The following ARHGAP32 variants were observed in gnomAD, a reference collection of about 807,000 sequenced individuals.
ARHGAP32 encodes Rho GTPase activating protein 32.
ARHGAP32 carries 51 observed loss-of-function variants against 186.5 expected under a neutral mutation model. The ratio of observed to expected loss-of-function variants is 0.27; its 90% CI spans 0.22 to 0.35. The LOEUF (loss-of-function observed/expected upper bound fraction) is 0.35, where lower values mean the gene tolerates loss of function less well. ARHGAP32 is among the 10% of genes least tolerant of loss of function. ARHGAP32 has a pLI of 1.00. For synonymous variants in ARHGAP32, 950 were observed against 964.3 expected, an observed-to-expected ratio of 0.99 and a Z score of 0.27; for missense variants, 2,186 against 2,623.5, an observed-to-expected ratio of 0.83 and a Z score of 3.64.
intron 1 of ARHGAP32, among the ~76,000 whole-genome samples, chr11:129,224,920 T>C (rs553084766): frequency 6.6e-6 from 1 of 152,186 alleles, no homozygotes; most frequent in Admixed American, 6.6e-5. Flanking sequence ...GAGACCAGCC[T>C]GGACAACATA....
chr11:129,269,379 G>A (rs1001811870), intron 1 of ARHGAP32, among the ~76,000 whole-genome samples: 1 of 152,122 alleles, frequency 6.6e-6, no homozygotes, highest in Non-Finnish European at 1.5e-5. Flanking sequence ...TACATATACA[G>A]GTAATCATGA....
intron 2 of ARHGAP32, among the ~76,000 whole-genome samples, chr11:129,150,429 C>CTT (rs1227633906): frequency 6.6e-6 from 1 of 152,082 alleles, no homozygotes; most frequent in African/African-American, 2.4e-5. Context: ...CCACTCAGAA[C>CTT]TTAAGACGAA....
chr11:129,173,674 T>A (rs1408963253), intron 1 of ARHGAP32, among the ~76,000 whole-genome samples: 1 of 152,174 alleles, frequency 6.6e-6, no homozygotes, highest in Admixed American at 6.5e-5. Flanking sequence ...CATATGCAAA[T>A]CAATAAATGT....
chr11:129,173,167 G>A (rs1383394275), intron 1 of ARHGAP32, among the ~76,000 whole-genome samples: 2 of 151,870 alleles, frequency 1.3e-5, no homozygotes, highest in Non-Finnish European at 1.5e-5. Flanking sequence ...TACCATCAGA[G>A]AATACTATAA....
At chr11:129,012,310 T>A (rs1296166996) in intron 11 of ARHGAP32, among the ~76,000 whole-genome samples, 1 of 152,024 alleles carries the variant, frequency 6.6e-6, no homozygotes, top group Non-Finnish European at 1.5e-5. Flanking sequence ...ATCTAAAAGG[T>A]TAAGAAGAAA....
chr11:129,184,695 T>TTCCAAAATAAAGAACTCACTAAGC (rs1944123404), intron 1 of ARHGAP32, among the ~76,000 whole-genome samples: 3 of 151,936 alleles, frequency 2.0e-5, no homozygotes, highest in African/African-American at 7.2e-5. Flanking sequence ...AGTCACTAAG[T>TTCCAAAATAAAGAACTCACTAAGC]TCCAAAATAA....
intron 12 of ARHGAP32, among the ~76,000 whole-genome samples, chr11:128,990,516 T>C (rs1946017478): frequency 6.6e-6 from 1 of 152,186 alleles, no homozygotes; most frequent in South Asian, 2.1e-4. Context: ...TGAATACATT[T>C]TCAACTACAT....
chr11:129,189,135 G>A (rs1033546609), intron 1 of ARHGAP32, among the ~76,000 whole-genome samples: 1 of 152,136 alleles, frequency 6.6e-6, no homozygotes, highest in Non-Finnish European at 1.5e-5. Flanking sequence ...TTCAAAACTT[G>A]AGATATCAGC....
upstream of ARHGAP32, among the ~76,000 whole-genome samples, chr11:129,193,353 C>T (rs1396992783): frequency 1.0e-4 from 12 of 116,800 alleles, no homozygotes; most frequent in East Asian, 2.0e-3. Flanking sequence ...TGTGGTGGTG[C>T]ACCCTGTAGT....
chr11:129,077,933 T>C (rs1375151424), intron 6 of ARHGAP32, among the ~76,000 whole-genome samples: 1 of 152,174 alleles, frequency 6.6e-6, no homozygotes, highest in African/African-American at 2.4e-5. Flanking sequence ...TGACAGCTAA[T>C]TCCACAACCT....
intron 2 of ARHGAP32, among the ~76,000 whole-genome samples, chr11:129,132,066 C>T (rs140342780): frequency 9.3e-4 from 142 of 152,310 alleles, no homozygotes; most frequent in African/African-American, 3.3e-3. Context: ...CATGCATGAG[C>T]TATTTTTCCT....
chr11:129,052,731 C>G (rs7122154), intron 10 of ARHGAP32, among the ~76,000 whole-genome samples: 5 of 151,736 alleles, frequency 3.3e-5, no homozygotes, highest in African/African-American at 1.2e-4. Flanking sequence ...ATAACAAGGT[C>G]TTCACATAGT....
intron 5 of ARHGAP32, among the ~76,000 whole-genome samples, chr11:129,110,100 T>C (rs1403952183): frequency 1.3e-5 from 2 of 152,178 alleles, no homozygotes; most frequent in Non-Finnish European, 2.9e-5. Flanking sequence ...CCTGAATCCA[T>C]CTTGGGTTGA....
At chr11:129,264,271 TAG>T (rs1465775711) in intron 1 of ARHGAP32, among the ~76,000 whole-genome samples, 1 of 152,206 alleles carries the variant, frequency 6.6e-6, no homozygotes, top group African/African-American at 2.4e-5. Flanking sequence ...TTCACAGTCA[TAG>T]AGTTTTAGTT....
At chr11:129,246,674 A>G (rs575455859) in intron 1 of ARHGAP32, among the ~76,000 whole-genome samples, 3 of 152,320 alleles carry the variant, frequency 2.0e-5, no homozygotes, top group African/African-American at 4.8e-5. Context: ...ATTTTTGACT[A>G]TAGGTCACTA....
intron 11 of ARHGAP32, among the ~76,000 whole-genome samples, chr11:129,030,838 G>T (rs1257751968): frequency 6.6e-6 from 1 of 152,150 alleles, no homozygotes; most frequent in Non-Finnish European, 1.5e-5. Flanking sequence ...TGGTCACAGG[G>T]GCAGATCCCT....
intron 12 of ARHGAP32, among the ~76,000 whole-genome samples, chr11:128,994,330 T>C (rs954317663): frequency 2.0e-5 from 3 of 151,972 alleles, no homozygotes; most frequent in African/African-American, 7.3e-5. Context: ...ACTTTTTGTA[T>C]TTTTAGTAGA....
At chr11:129,171,475 G>T (rs893872935) in intron 1 of ARHGAP32, among the ~76,000 whole-genome samples, 6 of 152,094 alleles carry the variant, frequency 3.9e-5, no homozygotes, top group African/African-American at 9.7e-5. Flanking sequence ...AAGATCAGAG[G>T]GTTGTAGATG....
intron 2 of ARHGAP32, among the ~76,000 whole-genome samples, chr11:129,151,825 A>C (rs987951792): frequency 1.6e-4 from 25 of 152,160 alleles, no homozygotes; most frequent in Non-Finnish European, 5.9e-5. Context: ...AAACACGAAC[A>C]AACCAAACCC....
Sources: allele counts gnomAD v4.1 joint callset (sites outside exome capture counted in the v4.1 genomes callset), GRCh38; gene constraint gnomAD v4.1.1; transcripts MANE v1.5; gene names NCBI Gene and HGNC (gene_info 2026-07-23, HGNC 2026-07-21).